Variants in FBXL3 observed in about 807,000 individuals in gnomAD.
FBXL3 encodes the protein F-box/LRR-repeat protein 3.
FBXL3 carries 14 observed loss-of-function variants against 37.9 expected under a neutral mutation model. The ratio of observed to expected loss-of-function variants is 0.37; its 90% CI spans 0.24 to 0.58. The LOEUF is 0.58. Among genes scored for constraint, FBXL3 ranks in the 20% least tolerant of loss-of-function variants. The pLI is 0.74. For synonymous variants in FBXL3, 194 were observed against 180.1 expected, an observed-to-expected ratio of 1.08 and a Z score of -0.62; for missense variants, 327 against 511.1, an observed-to-expected ratio of 0.64 and a Z score of 3.47.
At chr13:77,022,010 CTA>C (rs2034753481) in intron 1 of FBXL3, 149 bp from the exon 2 acceptor site, 1 of 678,384 alleles carries the variant, frequency 1.5e-6, no homozygotes, top group African/African-American at 1.8e-5. Flanking sequence ...CCAAAACAAA[CTA>C]TTATGAAAAA....
intron 3 of FBXL3, chr13:77,017,695 T>A (rs2034669063): frequency 6.6e-6 from 1 of 152,154 alleles, no homozygotes; most frequent in Non-Finnish European, 1.5e-5. Flanking sequence ...AGAAAAACAT[T>A]TTATCTCAAA....
At chr13:77,011,460 G>T (rs1028361843) in intron 4 of FBXL3, among the ~76,000 whole-genome samples, 1 of 151,408 alleles carries the variant, frequency 6.6e-6, no homozygotes, top group Non-Finnish European at 1.5e-5. Flanking sequence ...GGTGGCTCTC[G>T]CCTATAATCC....
Position 77,021,797 on chromosome 13 carries a change from T to G in FBXL3, c.64A>C (p.Lys22Gln), listed in dbSNP as rs193234231. 1 of 1,613,794 alleles carries G rather than the reference T, an allele frequency of 6.2e-7. No individual in the cohort carries two copies. Among genetic ancestry groups the G allele is most frequent in the African/African-American group, 1.3e-5 (1 of 75,060 alleles). ...TGCTCATTTGTAGTCCTCAGTTTCT[T>G]GGATTTCTCTGCAGTTCCTTCTTCT... is the stretch of plus-strand genomic sequence containing the variant. Reference protein sequence around the residue: ...SSEEGTAEKSKKLRTTNEHSQ... With the variant: ...SSEEGTAEKSQKLRTTNEHSQ... Residue 22 changes from lysine to glutamine, a missense_variant, in exon 2 of 5, where the codon AAG becomes CAG. Coordinates refer to ENST00000355619, the MANE Select transcript of FBXL3 (RefSeq NM_012158.4).
chr13:77,008,509 T>A (rs756793666), intron 4 of FBXL3: 1 of 152,214 alleles, frequency 6.6e-6, no homozygotes, highest in Non-Finnish European at 1.5e-5. Flanking sequence ...ACTATCATCC[T>A]AGCAACAGAT....
intron 3 of FBXL3, chr13:77,016,886 AAAC>A (rs1300697130): frequency 3.9e-5 from 6 of 152,218 alleles, no homozygotes; most frequent in African/African-American, 1.4e-4. Flanking sequence ...TACTGTGATT[AAAC>A]AACTGGTTAA....
chr13:77,011,217 G>C lies in FBXL3; in HGVS notation c.644-3429C>G, dbSNP rs536021326. Reference sequence around the variant, plus strand: ...TAGCCGGATGTGGTGGCGGGCACCTGTAATCCCAGCTACTCAGGAGGCTGA... The same window carrying C: ...TAGCCGGATGTGGTGGCGGGCACCTCTAATCCCAGCTACTCAGGAGGCTGA... On this transcript the variant is annotated intron_variant, in intron 4 of 4. Coordinates refer to ENST00000355619, the MANE Select transcript of FBXL3 (RefSeq NM_012158.4). 4.6e-5 allele frequency among the ~76,000 whole-genome samples: 7 copies of C among 151,938 alleles called. No individual in the cohort carries two copies. The South Asian group carries it at 1.5e-3, about 32-fold the overall frequency.
At chr13:77,015,612 T>C in intron 3 of FBXL3, 32 bp from the exon 4 acceptor site, 2 of 1,389,738 alleles carry the variant, frequency 1.4e-6, no homozygotes, top group Non-Finnish European at 1.9e-6. Flanking sequence ...ATAAAAATTA[T>C]TTCAATTTTT....
At chr13:77,022,363 G>C (rs771017650) in intron 1 of FBXL3, among the ~76,000 whole-genome samples, 6 of 152,188 alleles carry the variant, frequency 3.9e-5, no homozygotes, top group Non-Finnish European at 8.8e-5. Flanking sequence ...CTGAGGACCA[G>C]AACTGGGCCC....
At chr13:77,009,307 T>C (rs752706278) in intron 4 of FBXL3, 2 of 133,186 alleles carry the variant, frequency 1.5e-5, no homozygotes, top group Non-Finnish European at 2.9e-5. Flanking sequence ...ACAAAGTTTC[T>C]GTTTTCCGCA....
chr13:77,016,962 T>G (rs892464020), intron 3 of FBXL3: 14 of 152,234 alleles, frequency 9.2e-5, no homozygotes, highest in African/African-American at 3.4e-4. Context: ...TATTTTCATA[T>G]CAAACTCAAT....
intron 2 of FBXL3, among the ~76,000 whole-genome samples, chr13:77,020,369 A>G (rs924603866): frequency 1.0e-3 from 152 of 152,102 alleles, no homozygotes; most frequent in Non-Finnish European, 1.6e-3. Flanking sequence ...GTTTTCTGGG[A>G]AAAAAAAGGC....
At chr13:77,017,168 C>G (rs1436341252) in intron 3 of FBXL3, 1 of 151,994 alleles carries the variant, frequency 6.6e-6, no homozygotes, top group Non-Finnish European at 1.5e-5. Flanking sequence ...AAAAGAAAAA[C>G]AGTTATTAAG....
At chr13:77,026,523 A>G (rs2034841716) in intron 1 of FBXL3, among the ~76,000 whole-genome samples, 1 of 152,180 alleles carries the variant, frequency 6.6e-6, no homozygotes, top group Non-Finnish European at 1.5e-5. Context: ...AAAGCCTGGC[A>G]GGAGCCGCGG....
rs572932220 is a variant in FBXL3, at chr13:77,021,519, G to A, written c.342C>T (p.Ser114=). Residue 114 remains serine (S), a synonymous_variant, in exon 2 of 5, where the codon AGC becomes AGT. Coordinates refer to ENST00000355619, the MANE Select transcript of FBXL3 (RefSeq NM_012158.4). ...KRHSNHLQYV[S]FKVDSSKESA... is the part of the protein sequence containing the mutation. ...GAAGGATTTAAAATATTACCTTGAA[G>A]CTGACATATTGTAGATGGTTTGAAT... The A allele has an allele frequency of 6.2e-7, 1 of 1,600,930 alleles. No individual in the cohort carries two copies. The highest frequency in any genetic ancestry group is 1.1e-5 in the South Asian group (1 of 89,812).
intron 1 of FBXL3, among the ~76,000 whole-genome samples, chr13:77,024,544 G>A (rs1489084711): frequency 1.3e-5 from 2 of 152,174 alleles, no homozygotes; most frequent in Non-Finnish European, 2.9e-5. Context: ...TAAAATGGTA[G>A]CCTTATTCAC....
At chr13:77,013,421 CT>C (rs1453972031) in intron 4 of FBXL3, 1 of 152,180 alleles carries the variant, frequency 6.6e-6, no homozygotes, top group Non-Finnish European at 1.5e-5. Flanking sequence ...CTCCAAGAGT[CT>C]GAACCTCCCC....
chr13:77,024,551 T>G (rs2034803991), intron 1 of FBXL3, among the ~76,000 whole-genome samples: 1 of 152,222 alleles, frequency 6.6e-6, no homozygotes, highest in African/African-American at 2.4e-5. Context: ...GTAGCCTTAT[T>G]CACATAATAG....
chr13:77,018,856 C>T, intron 2 of FBXL3, 134 bp from the exon 3 acceptor site: 3 of 683,240 alleles, frequency 4.4e-6, no homozygotes, highest in Non-Finnish European at 4.3e-6. Context: ...ATAGAAGTAT[C>T]ATTACTAGTT....
chr13:77,017,699 T>C (rs2034669117), intron 3 of FBXL3: 1 of 152,178 alleles, frequency 6.6e-6, no homozygotes, highest in South Asian at 2.1e-4. Flanking sequence ...AAACATTTTA[T>C]CTCAAAATAT....
Sources: allele counts gnomAD v4.1 joint callset (sites outside exome capture counted in the v4.1 genomes callset), GRCh38; gene constraint gnomAD v4.1.1; transcripts MANE v1.5; gene names NCBI Gene and HGNC (gene_info 2026-07-23, HGNC 2026-07-21).